Variants in PRR16 observed in about 807,000 individuals in gnomAD.
PRR16 encodes the protein proline rich 16.
PRR16 carries 6 observed loss-of-function variants against 18.2 expected under a neutral mutation model. That is an observed-to-expected ratio of 0.33 (90% CI 0.18 to 0.65). PRR16 has a LOEUF of 0.65. Ranked by LOEUF, PRR16 falls within the 30% of genes least tolerant of loss-of-function variation. The pLI is 0.74. For synonymous variants in PRR16, 151 were observed against 147.8 expected (o/e 1.02, Z -0.16); for missense variants, 412 against 376.6 (o/e 1.09, Z -0.78).
intron 1 of PRR16, among the ~76,000 whole-genome samples, chr5:120,583,900 A>G (rs1316773578): frequency 2.0e-5 from 3 of 152,210 alleles, no homozygotes; most frequent in African/African-American, 7.2e-5. Context: ...TTCAAGATTG[A>G]CATGACTTTT....
At chr5:120,607,962 C>G (rs555853624) in intron 1 of PRR16, among the ~76,000 whole-genome samples, 1 of 151,982 alleles carries the variant, frequency 6.6e-6, no homozygotes, top group Non-Finnish European at 1.5e-5. Flanking sequence ...CTTTGAATCA[C>G]GACTTTCTCC....
chr5:120,635,197 A>G (rs1280984784), intron 1 of PRR16, among the ~76,000 whole-genome samples: 1 of 152,134 alleles, frequency 6.6e-6, no homozygotes, highest in Non-Finnish European at 1.5e-5. Context: ...TCAAAGAAGA[A>G]TTGGTACCAA....
chr5:120,775,383 TTTCAAC>T, the PRR16 span, among the ~76,000 whole-genome samples: 2 of 151,988 alleles, frequency 1.3e-5, no homozygotes, highest in Non-Finnish European at 2.9e-5. Context: ...ACCTCCTCAT[TTTCAAC>T]TTCAATTATT....
chr5:120,544,715 A>G (rs968728713), intron 1 of PRR16, among the ~76,000 whole-genome samples: 1 of 152,008 alleles, frequency 6.6e-6, no homozygotes, highest in Non-Finnish European at 1.5e-5. Flanking sequence ...GGGTTGACTT[A>G]TTTTTGTAGA....
At chr5:120,497,784 T>G (rs554584933) in intron 1 of PRR16, among the ~76,000 whole-genome samples, 6 of 151,666 alleles carry the variant, frequency 4.0e-5, no homozygotes, top group Admixed American at 3.3e-4. Flanking sequence ...TAACATATCA[T>G]ATTATTTAAT....
intron 1 of PRR16, among the ~76,000 whole-genome samples, chr5:120,619,851 T>C (rs541544735): frequency 6.6e-6 from 1 of 152,140 alleles, no homozygotes. Flanking sequence ...TAAGACACAG[T>C]TCTACCCATG....
chr5:120,497,923 T>C (rs1307848338), intron 1 of PRR16, among the ~76,000 whole-genome samples: 1 of 151,872 alleles, frequency 6.6e-6, no homozygotes, highest in Non-Finnish European at 1.5e-5. Flanking sequence ...AATTCCTGTC[T>C]ATATCATTAT....
At chr5:120,491,224 G>T (rs918408696) in intron 1 of PRR16, among the ~76,000 whole-genome samples, 13 of 152,046 alleles carry the variant, frequency 8.6e-5, no homozygotes, top group African/African-American at 2.9e-4. Context: ...TGTTTCCCTG[G>T]TGTTACACTG....
At chr5:120,567,298 G>GCAGC (rs1430156600) in intron 1 of PRR16, among the ~76,000 whole-genome samples, 1 of 152,082 alleles carries the variant, frequency 6.6e-6, no homozygotes, top group Non-Finnish European at 1.5e-5. Flanking sequence ...CTAGGGTCCT[G>GCAGC]ACAACCTGCC....
chr5:120,753,143 G>A, the PRR16 span, among the ~76,000 whole-genome samples: 1 of 151,980 alleles, frequency 6.6e-6, no homozygotes, highest in Non-Finnish European at 1.5e-5. Flanking sequence ...GGTGTACAAA[G>A]TAGATTTGGA....
At chr5:120,569,058 C>G (rs528574952) in intron 1 of PRR16, among the ~76,000 whole-genome samples, 59 of 152,078 alleles carry the variant, frequency 3.9e-4, no homozygotes, top group African/African-American at 1.4e-3. Flanking sequence ...GTTTGATACT[C>G]ACATTCTATA....
At chr5:120,589,517 C>T (rs59322071) in intron 1 of PRR16, among the ~76,000 whole-genome samples, 2,172 of 152,196 alleles carry the variant, frequency 0.014, 57 homozygotes, top group African/African-American at 0.05. Context: ...TATTCTCACA[C>T]TGCTGATAAA....
intron 1 of PRR16, among the ~76,000 whole-genome samples, chr5:120,534,527 T>C (rs1275797419): frequency 1.3e-5 from 2 of 152,172 alleles, no homozygotes; most frequent in Non-Finnish European, 2.9e-5. Context: ...TATCATTTTA[T>C]AGATGGAATG....
At chr5:120,705,258 T>C in the PRR16 span, among the ~76,000 whole-genome samples, 1 of 152,128 alleles carries the variant, frequency 6.6e-6, no homozygotes, top group Admixed American at 6.5e-5. Flanking sequence ...TTATAGCTTT[T>C]ATTCAGATTT....
chr5:120,710,291 T>A, the PRR16 span, among the ~76,000 whole-genome samples: 1 of 152,148 alleles, frequency 6.6e-6, no homozygotes, highest in Non-Finnish European at 1.5e-5. Context: ...GCATAGTACA[T>A]ACAAGGCTTT....
the PRR16 span, among the ~76,000 whole-genome samples, chr5:120,702,414 G>A: frequency 7.2e-5 from 11 of 151,906 alleles, no homozygotes; most frequent in Non-Finnish European, 1.6e-4. Context: ...AAGGAGAAGG[G>A]GTTGAGGGGT....
At chr5:120,654,218 A>C (rs780183539) in intron 1 of PRR16, among the ~76,000 whole-genome samples, 1 of 152,020 alleles carries the variant, frequency 6.6e-6, no homozygotes, top group Admixed American at 6.6e-5. Context: ...CTTGGACCAC[A>C]AGTTAGAAGA....
intron 1 of PRR16, chr5:120,618,700 T>C (rs1754591504): frequency 3.3e-6 from 1 of 306,204 alleles, no homozygotes; most frequent in African/African-American, 2.3e-5. Context: ...CTGTTATTGC[T>C]AAGAGAGACC....
At chr5:120,761,118 T>C in the PRR16 span, among the ~76,000 whole-genome samples, 1 of 152,022 alleles carries the variant, frequency 6.6e-6, no homozygotes, top group Non-Finnish European at 1.5e-5. Context: ...TACATTATTT[T>C]ATATTAAAAA....
Sources: gnomAD v4.1 joint callset for allele counts (sites outside exome capture counted in the v4.1 genomes callset) on GRCh38, gnomAD v4.1.1 for gene constraint, MANE v1.5 for transcripts, NCBI Gene and HGNC (gene_info 2026-07-23, HGNC 2026-07-21) for gene names.